SLC10A7: variants seen among roughly 807,000 people sequenced by gnomAD.
The protein encoded by SLC10A7 is solute carrier family 10 member 7, also known as sodium/bile acid cotransporter 7.
SLC10A7 carries 29 observed loss-of-function variants against 43.2 expected under a neutral mutation model. The ratio of observed to expected loss-of-function variants is 0.67; its 90% CI spans 0.50 to 0.92. The LOEUF is 0.92. SLC10A7 is among the 40% of genes least tolerant of loss of function. SLC10A7 has a pLI of 0.00. For missense variants in SLC10A7, 295 were observed against 403.2 expected (o/e 0.73, Z 2.30); for synonymous variants, 152 against 144.8 (o/e 1.05, Z -0.35).
chr4:146,405,593 C>T (rs1017529685), intron 5 of SLC10A7, among the ~76,000 whole-genome samples: 1 of 152,054 alleles, frequency 6.6e-6, no homozygotes, highest in East Asian at 1.9e-4. Flanking sequence ...ACTATGAAGG[C>T]AATGAAGAAC....
intron 5 of SLC10A7, among the ~76,000 whole-genome samples, chr4:146,418,812 G>A (rs1234716258): frequency 6.6e-6 from 1 of 152,160 alleles, no homozygotes; most frequent in Non-Finnish European, 1.5e-5. Context: ...GTCCCACAAG[G>A]CTATCCCCCA....
At chr4:146,355,387 C>G (rs1358866181) in intron 5 of SLC10A7, among the ~76,000 whole-genome samples, 2 of 152,238 alleles carry the variant, frequency 1.3e-5, no homozygotes, top group East Asian at 1.9e-4. Context: ...AGTCAGGAAA[C>G]AACAGGTACT....
intron 5 of SLC10A7, among the ~76,000 whole-genome samples, chr4:146,343,127 A>C (rs933985710): frequency 1.3e-5 from 2 of 152,042 alleles, no homozygotes; most frequent in African/African-American, 4.8e-5. Context: ...CCAAGAATTT[A>C]AAAGATGAAT....
chr4:146,379,662 C>T (rs1737460716), intron 5 of SLC10A7, among the ~76,000 whole-genome samples: 3 of 152,144 alleles, frequency 2.0e-5, no homozygotes, highest in African/African-American at 7.2e-5. Context: ...AAACTTAAAT[C>T]ATCAATGTCA....
At chr4:146,458,845 A>AT (rs1290728479) in intron 4 of SLC10A7, among the ~76,000 whole-genome samples, 7 of 151,772 alleles carry the variant, frequency 4.6e-5, no homozygotes, top group Non-Finnish European at 8.8e-5. Flanking sequence ...ATCTGATCTG[A>AT]TTTTTGTTTT....
At chr4:146,441,611 T>G in intron 5 of SLC10A7, 7 of 812,864 alleles carry the variant, frequency 8.6e-6, no homozygotes, top group South Asian at 5.6e-5. Flanking sequence ...CTTGGACTCA[T>G]GAAATAATGA....
intron 4 of SLC10A7, among the ~76,000 whole-genome samples, chr4:146,486,108 G>A (rs967744023): frequency 3.9e-5 from 6 of 152,096 alleles, no homozygotes; most frequent in Admixed American, 3.9e-4. Flanking sequence ...TAAAACTATG[G>A]TTTTCTAAAC....
intron 4 of SLC10A7, among the ~76,000 whole-genome samples, chr4:146,464,661 T>A (rs887561309): frequency 3.3e-5 from 5 of 151,696 alleles, no homozygotes; most frequent in African/African-American, 1.2e-4. Flanking sequence ...AAAAAAGTCA[T>A]GCCATTAAGA....
chr4:146,295,370 A>G (rs1470777461), intron 7 of SLC10A7, among the ~76,000 whole-genome samples: 2 of 152,218 alleles, frequency 1.3e-5, no homozygotes, highest in Non-Finnish European at 2.9e-5. Flanking sequence ...TTTTCTTTAA[A>G]AAAGTAGATC....
At chr4:146,379,054 G>A (rs1737414301) in intron 5 of SLC10A7, among the ~76,000 whole-genome samples, 1 of 152,170 alleles carries the variant, frequency 6.6e-6, no homozygotes, top group Non-Finnish European at 1.5e-5. Context: ...AAAAGGCTTT[G>A]ACCCAACTTC....
At chr4:146,294,284 C>A (rs1020296132) in intron 7 of SLC10A7, among the ~76,000 whole-genome samples, 189 bp from the exon 8 acceptor site, 7 of 152,204 alleles carry the variant, frequency 4.6e-5, no homozygotes, top group Non-Finnish European at 5.9e-5. Flanking sequence ...TGTAGTGCAA[C>A]TTCCACTGGG....
chr4:146,387,770 TTCTATA>T (rs1238052144), intron 5 of SLC10A7, among the ~76,000 whole-genome samples: 1 of 152,158 alleles, frequency 6.6e-6, no homozygotes. Flanking sequence ...TCAGTAACAT[TTCTATA>T]TATCAATGGC....
intron 5 of SLC10A7, among the ~76,000 whole-genome samples, chr4:146,402,474 T>G (rs1253447908): frequency 3.9e-5 from 6 of 152,102 alleles, no homozygotes; most frequent in African/African-American, 1.4e-4. Flanking sequence ...AGTCACCTCT[T>G]CAGCCCTGAC....
chr4:146,297,462 T>C (rs1022437664), intron 7 of SLC10A7, among the ~76,000 whole-genome samples: 4 of 152,194 alleles, frequency 2.6e-5, no homozygotes, highest in Non-Finnish European at 5.9e-5. Flanking sequence ...AGATATAAAG[T>C]ATAACACCCA....
At chr4:146,280,483 A>G (rs1729479462) in intron 10 of SLC10A7, among the ~76,000 whole-genome samples, 1 of 152,106 alleles carries the variant, frequency 6.6e-6, no homozygotes. Context: ...CTTCCACTCA[A>G]TTTTGCTGTG....
At chr4:146,294,162 A>T (rs575085879) in intron 7 of SLC10A7, 67 bp from the exon 8 acceptor site, 1 of 1,265,834 alleles carries the variant, frequency 7.9e-7, no homozygotes, top group East Asian at 2.6e-5. Context: ...GGCATCACAA[A>T]GTGATTCTGA....
At chr4:146,480,855 A>G (rs138292037) in intron 4 of SLC10A7, among the ~76,000 whole-genome samples, 2 of 152,080 alleles carry the variant, frequency 1.3e-5, no homozygotes, top group East Asian at 3.9e-4. Flanking sequence ...CCAAAAAAAA[A>G]CCCAAAATAA....
intron 5 of SLC10A7, among the ~76,000 whole-genome samples, chr4:146,432,108 G>A (rs1729825242): frequency 6.6e-6 from 1 of 152,100 alleles, no homozygotes; most frequent in Non-Finnish European, 1.5e-5. Flanking sequence ...CTATTAGAAT[G>A]GCTAAAATAA....
Position 146,305,920 on chromosome 4 carries a change from C to G in SLC10A7, c.555+6G>C. On this transcript the variant is annotated splice_donor_region_variant and intron_variant, in intron 7 of 11. Coordinates refer to ENST00000335472, the MANE Select transcript of SLC10A7 (RefSeq NM_001029998.6). ...AGAAAAGATCAGATAGAATTGGAGG[C>G]CTTACCTGTCCAATGATGAGAGGAA... 6.3e-7 allele frequency: 1 copy of G among 1,598,648 alleles called. No individual in the cohort carries two copies. The highest frequency in any genetic ancestry group is 8.5e-7 in the Non-Finnish European group (1 of 1,173,272).
Sources: gnomAD v4.1 joint callset for allele counts (sites outside exome capture counted in the v4.1 genomes callset) on GRCh38, gnomAD v4.1.1 for gene constraint, MANE v1.5 for transcripts, NCBI Gene and HGNC (gene_info 2026-07-23, HGNC 2026-07-21) for gene names.